IGF2BP2: variants seen among roughly 807,000 people sequenced by gnomAD.
IGF2BP2 encodes insulin like growth factor 2 mRNA binding protein 2.
IGF2BP2 carries 17 observed loss-of-function variants against 75.8 expected under a neutral mutation model. That is an observed-to-expected ratio of 0.22 (90% CI 0.15 to 0.34). IGF2BP2 has a LOEUF of 0.34. Among genes scored for constraint, IGF2BP2 ranks in the 10% least tolerant of loss-of-function variants. The pLI is 1.00. For missense variants in IGF2BP2, 516 were observed against 772.4 expected (o/e 0.67, Z 3.93); for synonymous variants, 288 against 295.6 (o/e 0.97, Z 0.26).
At chr3:185,756,880 T>A (rs1731690274) in intron 2 of IGF2BP2, among the ~76,000 whole-genome samples, 1 of 152,048 alleles carries the variant, frequency 6.6e-6, no homozygotes, top group East Asian at 1.9e-4. Context: ...GAGACTGAGG[T>A]GGGAAGGTGA....
At chr3:185,750,388 G>A (rs1464275851) in intron 2 of IGF2BP2, among the ~76,000 whole-genome samples, 1 of 152,136 alleles carries the variant, frequency 6.6e-6, no homozygotes, top group East Asian at 1.9e-4. Context: ...AAAGAAAGGA[G>A]AGAAACTCCC....
chr3:185,662,574 A>T (rs1280298670), intron 10 of IGF2BP2, among the ~76,000 whole-genome samples: 1 of 125,350 alleles, frequency 8.0e-6, no homozygotes, highest in African/African-American at 3.1e-5. Flanking sequence ...AAGATGGACT[A>T]GCTCTGTTGC....
At chr3:185,675,454 A>G (rs2149236503) in intron 8 of IGF2BP2, 23 bp from the exon 9 acceptor site, 2 of 1,588,190 alleles carry the variant, frequency 1.3e-6, no homozygotes, top group East Asian at 4.5e-5. Flanking sequence ...AAGAAAAGAG[A>G]AATTTTGTTT....
At chr3:185,716,983 T>C in intron 2 of IGF2BP2, 1 of 362,128 alleles carries the variant, frequency 2.8e-6, no homozygotes. Flanking sequence ...CTGTACATGC[T>C]CAATGGATGA....
At position 185,823,159 on chromosome 3, in the gene IGF2BP2, T is replaced by C. The variant is rs778023327; in HGVS notation, c.233A>G (p.Lys78Arg). Residue 78 changes from lysine to arginine, a missense_variant, in exon 2 of 16, where the codon AAG becomes AGG. Coordinates refer to ENST00000382199, the MANE Select transcript of IGF2BP2 (RefSeq NM_006548.6). ...IMEVDYSVSK[K>R]LRSRKIQIRN... ...CTAAGCAAAGTATATTTACCTTAGCTTTTTAGAGACTGAGTAATCAACTTC... is the reference window on the plus strand; with the variant it reads ...CTAAGCAAAGTATATTTACCTTAGCCTTTTAGAGACTGAGTAATCAACTTC... 2 of 1,604,224 alleles carry C rather than the reference T, an allele frequency of 1.2e-6. No homozygotes were observed. Among genetic ancestry groups the C allele is most frequent in the South Asian group, 2.2e-5 (2 of 89,132 alleles).
intron 2 of IGF2BP2, chr3:185,712,804 A>T (rs2149424188): frequency 6.6e-6 from 1 of 152,266 alleles, no homozygotes; most frequent in Non-Finnish European, 1.5e-5. Context: ...TAAATAAGTT[A>T]GGTGACAAAC....
At chr3:185,762,641 G>C (rs1364626495) in intron 2 of IGF2BP2, among the ~76,000 whole-genome samples, 2 of 152,026 alleles carry the variant, frequency 1.3e-5, no homozygotes, top group South Asian at 2.1e-4. Flanking sequence ...CAAATCCCTT[G>C]AAGAAGCTTA....
intron 7 of IGF2BP2, among the ~76,000 whole-genome samples, chr3:185,684,094 T>C (rs1042372008): frequency 2.0e-5 from 3 of 152,214 alleles, no homozygotes; most frequent in African/African-American, 7.2e-5. Context: ...GAAGCTGCAT[T>C]AGAATGTAAC....
intron 2 of IGF2BP2, among the ~76,000 whole-genome samples, chr3:185,792,765 CA>C (rs57107858): frequency 0.023 from 2,111 of 93,582 alleles, 28 homozygotes; most frequent in African/African-American, 0.056. Flanking sequence ...GACTCCGTCT[CA>C]AAAAAAAAAA....
chr3:185,661,249 T>A lies in IGF2BP2; in HGVS notation c.1201-2840A>T, dbSNP rs1217511786. 2.0e-5 allele frequency among the ~76,000 whole-genome samples: 3 copies of A among 152,102 alleles called. No homozygotes were observed. In the East Asian group the frequency reaches 5.8e-4, roughly 29 times the overall value. On this transcript the variant is annotated intron_variant, in intron 10 of 15. Transcript: ENST00000382199. The stretch of plus-strand genomic sequence containing the variant: ...CACTACCTCTACAAGTTGGAAAAAA[T>A]TATTTAATCTTTCTGAGCCTTATCC...
intron 2 of IGF2BP2, among the ~76,000 whole-genome samples, chr3:185,698,925 C>T (rs976082314): frequency 3.9e-5 from 6 of 152,174 alleles, no homozygotes; most frequent in African/African-American, 1.4e-4. Flanking sequence ...AGTGATTCTC[C>T]TGCCTCAGCC....
At chr3:185,733,888 G>A (rs1173389036) in intron 2 of IGF2BP2, among the ~76,000 whole-genome samples, 2 of 152,150 alleles carry the variant, frequency 1.3e-5, no homozygotes, top group African/African-American at 4.8e-5. Context: ...AATGGAACAG[G>A]AAAGACATGA....
intron 7 of IGF2BP2, among the ~76,000 whole-genome samples, chr3:185,679,576 C>A (rs938893804): frequency 7.9e-5 from 12 of 151,862 alleles, no homozygotes; most frequent in African/African-American, 2.7e-4. Context: ...GTGTTGCTGT[C>A]TATCATTCTT....
intron 2 of IGF2BP2, among the ~76,000 whole-genome samples, chr3:185,725,539 T>A (rs962735719): frequency 2.0e-5 from 3 of 152,106 alleles, no homozygotes; most frequent in African/African-American, 7.2e-5. Flanking sequence ...TTGACATAAT[T>A]AGGTTCATCC....
At chr3:185,779,435 T>A (rs1435069503) in intron 2 of IGF2BP2, among the ~76,000 whole-genome samples, 2 of 152,182 alleles carry the variant, frequency 1.3e-5, no homozygotes, top group Non-Finnish European at 2.9e-5. Flanking sequence ...TCAAGATGAC[T>A]GGGGGCTATG....
intron 7 of IGF2BP2, among the ~76,000 whole-genome samples, chr3:185,677,064 T>TAGAGAGAGAGAG (rs1227931431): frequency 2.2e-5 from 1 of 45,780 alleles, no homozygotes; most frequent in African/African-American, 1.1e-4. Context: ...TATATATATA[T>TAGAGAGAGAGAG]ATATAGAGAG....
chr3:185,660,096 C>G (rs1716180290), intron 10 of IGF2BP2, among the ~76,000 whole-genome samples: 1 of 152,216 alleles, frequency 6.6e-6, no homozygotes, highest in African/African-American at 2.4e-5. Context: ...CGCGCCCGGT[C>G]TGATATATTC....
intron 2 of IGF2BP2, among the ~76,000 whole-genome samples, chr3:185,774,754 A>G (rs910130851): frequency 6.6e-6 from 1 of 151,076 alleles, no homozygotes; most frequent in Non-Finnish European, 1.5e-5. Flanking sequence ...CTGTAATCCC[A>G]GCACTTTGGG....
At chr3:185,737,166 C>CT (rs1728967709) in intron 2 of IGF2BP2, among the ~76,000 whole-genome samples, 1 of 152,220 alleles carries the variant, frequency 6.6e-6, no homozygotes, top group African/African-American at 2.4e-5. Flanking sequence ...ATCATATCCC[C>CT]TTTAATCATC....
Sources: allele counts gnomAD v4.1 joint callset (sites outside exome capture counted in the v4.1 genomes callset), GRCh38; gene constraint gnomAD v4.1.1; transcripts MANE v1.5; gene names NCBI Gene and HGNC (gene_info 2026-07-23, HGNC 2026-07-21).